ACBD4: variants seen among roughly 807,000 people sequenced by gnomAD.
The protein encoded by ACBD4 is acyl-CoA binding domain containing 4.
In ACBD4, 41 loss-of-function variants were observed where a neutral mutation model predicts 46.0. The observed-to-expected ratio is 0.89, with a 90% CI of 0.69 to 1.16. The LOEUF (loss-of-function observed/expected upper bound fraction) is 1.16, where lower values mean the gene tolerates loss of function less well. Among genes scored for constraint, ACBD4 ranks in the 50% most tolerant of loss-of-function variants. The probability of loss-of-function intolerance (pLI) is 0.00; values close to 1 mark genes in which losing one functional copy is unlikely to be tolerated. For missense variants in ACBD4, 393 were observed against 399.5 expected (o/e 0.98, Z 0.14); for synonymous variants, 162 against 155.9 (o/e 1.04, Z -0.29).
At position 45,139,083 on chromosome 17, in the gene ACBD4, C is replaced by T. The variant is rs772269471; in HGVS notation, c.712C>T (p.Arg238Ter). 40 of 1,613,740 alleles carry T rather than the reference C, an allele frequency of 2.5e-5. No homozygotes were observed. The highest frequency in any genetic ancestry group is 3.3e-5 in the Admixed American group (2 of 60,010). Residue 238 changes from arginine to a stop codon, truncating the protein, a stop_gained, in exon 9 of 10, where the codon CGA becomes TGA. Coordinates refer to ENST00000321854, the MANE Select transcript of ACBD4 (RefSeq NM_001135705.3). LOFTEE classifies it high-confidence loss of function. ...ELDVWLLGTV[R>*]ALQESMQEVQ... is the part of the protein sequence containing the mutation. ...GGACGTGTGGCTGCTGGGGACAGTT[C>T]GAGCACTACAGGAGAGCATGCAGGA...
rs200265169 is a variant in ACBD4 at position 45,139,061 on chromosome 17, C to G, written c.690C>G (p.Asp230Glu). The change falls in exon 9 of 10, where the codon GAC becomes GAG. Residue 230 changes from aspartate (D) to glutamate (E), a missense_variant. This residue lies in a region of ACBD4 where 308 missense variants were observed against 301.8 expected (regional missense o/e 1.02). Transcript: ENST00000321854. ...RGSPPGPQEL[D>E]VWLLGTVRAL... is the part of the protein sequence containing the mutation. ...GCCCGCCGGGGCCCCAGGAGTTGGA[C>G]GTGTGGCTGCTGGGGACAGTTCGAG... 1.9e-6 allele frequency: 3 copies of G among 1,613,826 alleles called. No individual in the cohort carries two copies. The highest frequency in any genetic ancestry group is 2.5e-6 in the Non-Finnish European group (3 of 1,180,030).
intron 6 of ACBD4, 68 bp from the exon 7 acceptor site, chr17:45,137,692 C>G (rs1567901236): frequency 6.4e-7 from 1 of 1,559,518 alleles, no homozygotes. Flanking sequence ...GTGCTTCTGC[C>G]CAGTGCACAC....
chr17:45,137,426 C>A lies in ACBD4; in HGVS notation c.474C>A (p.Leu158=), dbSNP rs766415785. 81 of 1,613,942 alleles carry A rather than the reference C, an allele frequency of 5.0e-5. No individual in the cohort carries two copies. Among genetic ancestry groups the A allele is most frequent in the Non-Finnish European group, 6.8e-5 (80 of 1,180,016 alleles). ...DVGAVSEPPC[L]PKEPAPPSPE... Reference sequence around the variant, plus strand: ...GGGCTGTTTCAGAGCCTCCCTGCCTCCCCAAGGAACCGGCACCCCCAAGCC... The same window carrying A: ...GGGCTGTTTCAGAGCCTCCCTGCCTACCCAAGGAACCGGCACCCCCAAGCC... Residue 158 remains leucine (L), a synonymous_variant, in exon 6 of 10, where the codon CTC becomes CTA. Coordinates refer to ENST00000321854, the MANE Select transcript of ACBD4 (RefSeq NM_001135705.3).
intron 9 of ACBD4, among the ~76,000 whole-genome samples, chr17:45,139,906 G>A (rs79903440): frequency 0.011 from 1,750 of 152,272 alleles, 24 homozygotes; most frequent in African/African-American, 0.04. Flanking sequence ...AACATTAAGC[G>A]ATGGAGTTGG....
At position 45,136,214 on chromosome 17, in the gene ACBD4, C is replaced by G. The variant is rs2054818524; in HGVS notation, c.70C>G (p.Gln24Glu). 2 of 1,613,526 alleles carry G rather than the reference C, an allele frequency of 1.2e-6. No homozygotes were observed. Among genetic ancestry groups the G allele is most frequent in the Admixed American group, 3.3e-5 (2 of 59,990 alleles). The change falls in exon 2 of 10, where the codon CAG (glutamine) becomes GAG (glutamate). Residue 24 changes from glutamine (Q) to glutamate (E), a missense_variant. Transcript: ENST00000321854. ...KQFQAAVSVI[Q>E]NLPKNGSYRP... ...GTTCCAGGCTGCAGTGAGCGTCATCCAGAACCTGCCCAAGAACGGTGAGGC... is the reference window on the plus strand; with the variant it reads ...GTTCCAGGCTGCAGTGAGCGTCATCGAGAACCTGCCCAAGAACGGTGAGGC...
At chr17:45,134,912 T>C (rs980104381), upstream of ACBD4, among the ~76,000 whole-genome samples, 78 of 150,500 alleles carry the variant, frequency 5.2e-4, no homozygotes, top group South Asian at 2.8e-3. Context: ...TTTCCCCCCC[T>C]CCCCAGTACC....
Position 45,143,421 on chromosome 17 carries a change from ACTCC to A in ACBD4, c.790-14_790-11del. The stretch of plus-strand genomic sequence containing the variant: ...GTGCTGAGGCCTGGACTGGCCTCTG[ACTCC>A]CTCCCTCTTGGCTGCAGAGGCCGCA... On this transcript the variant is annotated intron_variant, in intron 9 of 9. Coordinates refer to ENST00000321854, the MANE Select transcript of ACBD4 (RefSeq NM_001135705.3). 1 of 1,588,690 alleles carries A rather than the reference ACTCC, an allele frequency of 6.3e-7. No individual in the cohort carries two copies. The highest frequency in any genetic ancestry group is 2.1e-4 in the Middle Eastern group (1 of 4,762).
At chr17:45,138,263 C>T in intron 8 of ACBD4, 1 of 560,700 alleles carries the variant, frequency 1.8e-6, no homozygotes, top group Non-Finnish European at 3.2e-6. Context: ...TAGCCCAGTT[C>T]TCCCACCTAC....
chr17:45,134,019 T>C (rs1425975062), upstream of ACBD4, among the ~76,000 whole-genome samples: 5 of 152,238 alleles, frequency 3.3e-5, no homozygotes, highest in Admixed American at 3.3e-4. Flanking sequence ...GAGAGGCATG[T>C]AATGTTTTGA....
intron 9 of ACBD4, among the ~76,000 whole-genome samples, chr17:45,141,220 A>G (rs2143908926): frequency 6.6e-6 from 1 of 152,118 alleles, no homozygotes; most frequent in South Asian, 2.1e-4. Context: ...TCCCCTTTCA[A>G]TTCTCTTTTA....
At chr17:45,140,765 C>A (rs2055220448) in intron 9 of ACBD4, among the ~76,000 whole-genome samples, 1 of 152,132 alleles carries the variant, frequency 6.6e-6, no homozygotes, top group African/African-American at 2.4e-5. Context: ...GTAATCCTAG[C>A]ACTTTGGGAG....
chr17:45,139,259 C>T, intron 9 of ACBD4, 99 bp downstream of exon 9: 3 of 1,217,372 alleles, frequency 2.5e-6, no homozygotes, highest in Non-Finnish European at 3.6e-6. Context: ...CACGCCTCCA[C>T]CTGCCCACAT....
chr17:45,136,222 G>A lies in ACBD4; in HGVS notation c.78G>A (p.Leu26=). Residue 26 remains leucine, a synonymous_variant, in exon 2 of 10, where the codon CTG becomes CTA. Coordinates refer to ENST00000321854, the MANE Select transcript of ACBD4 (RefSeq NM_001135705.3). ...FQAAVSVIQN[L]PKNGSYRPSY... is the part of the protein sequence containing the mutation. ...CTGCAGTGAGCGTCATCCAGAACCTGCCCAAGAACGGTGAGGCTGCGGGGA... is the reference window on the plus strand; with the variant it reads ...CTGCAGTGAGCGTCATCCAGAACCTACCCAAGAACGGTGAGGCTGCGGGGA... The A allele has an allele frequency of 6.2e-7, 1 of 1,613,350 alleles. No individual in the cohort carries two copies. Among genetic ancestry groups the A allele is most frequent in the Non-Finnish European group, 8.5e-7 (1 of 1,179,686 alleles).
Position 45,137,048 on chromosome 17 carries a change from G to C in ACBD4, c.324G>C (p.Val108=), listed in dbSNP as rs779834848. 8 of 1,614,152 alleles carry C rather than the reference G, an allele frequency of 5.0e-6. No individual in the cohort carries two copies. The East Asian group carries it at 1.8e-4, about 36-fold the overall frequency. The stretch of plus-strand genomic sequence containing the variant: ...TCGACACAGTGCCCCTGGGTGAGGT[G>C]GCAGAGGACATGTTTGGTTACTTCG... The part of the protein sequence containing the change: ...KVIDTVPLGE[V]AEDMFGYFEP... Residue 108 remains valine (V), a synonymous_variant, in exon 5 of 10, where the codon GTG becomes GTC. Transcript: ENST00000321854.
At chr17:45,137,874 T>C (rs2054970473) in intron 7 of ACBD4, 39 bp from the exon 8 acceptor site, 1 of 1,602,554 alleles carries the variant, frequency 6.2e-7, no homozygotes. Context: ...CCCACTGTGC[T>C]CCCACTCCCA....
chr17:45,135,926 G>A lies in ACBD4; in HGVS notation c.-65G>A, dbSNP rs1484964056. On this transcript the variant is annotated 5_prime_UTR_variant, in exon 1 of 10. Coordinates refer to ENST00000321854, the MANE Select transcript of ACBD4 (RefSeq NM_001135705.3). ...CTCGCCACCTGCCTCGCCACCTGGCGACCCTGACCCCACCACACTGCCTTG... is the reference window on the plus strand; with the variant it reads ...CTCGCCACCTGCCTCGCCACCTGGCAACCCTGACCCCACCACACTGCCTTG... 5.6e-6 allele frequency: 3 copies of A among 537,006 alleles called. No homozygotes were observed. The highest frequency in any genetic ancestry group is 1.9e-5 in the African/African-American group (1 of 52,524). The allele number at this position is 537,006 out of a possible 1,614,324, so 33.3% of individuals were successfully genotyped here.
upstream of ACBD4, among the ~76,000 whole-genome samples, chr17:45,134,381 G>C (rs185140946): frequency 1.5e-4 from 23 of 152,232 alleles, no homozygotes; most frequent in African/African-American, 5.3e-4. Context: ...GGAGGCAGAG[G>C]TGGGATGATC....
rs762092115 is a variant in ACBD4 at position 45,139,235 on chromosome 17, TTTG to T, written c.789+78_789+80del. 15 of 1,535,736 alleles carry T rather than the reference TTTG, an allele frequency of 9.8e-6. No individual in the cohort carries two copies. The South Asian group carries it at 1.7e-4, about 17-fold the overall frequency. ...ATTCTGGGCTCCTCTTCCAGCCACT[TTTG>T]TTTTTGTCCTCACGCCTCCACCTGC... On this transcript the variant is annotated intron_variant, in intron 9 of 9. Coordinates refer to ENST00000321854, the MANE Select transcript of ACBD4 (RefSeq NM_001135705.3).
intron 6 of ACBD4, 88 bp downstream of exon 6, chr17:45,137,542 C>T: frequency 6.8e-7 from 1 of 1,480,284 alleles, no homozygotes; most frequent in South Asian, 1.1e-5. Context: ...GTGCCCTCCA[C>T]AGACACTGAG....
Sources: gnomAD v4.1 joint callset for allele counts (sites outside exome capture counted in the v4.1 genomes callset) on GRCh38, gnomAD v4.1.1 for gene constraint, gnomAD v4.1.1 regional missense constraint, MANE v1.5 for transcripts, NCBI Gene and HGNC (gene_info 2026-07-23, HGNC 2026-07-21) for gene names.